TTC23L: variants seen among roughly 807,000 people sequenced by gnomAD.
TTC23L encodes tetratricopeptide repeat protein 23-like.
In TTC23L, 42 loss-of-function variants were observed where a neutral mutation model predicts 48.1. The ratio of observed to expected loss-of-function variants is 0.87; its 90% confidence interval spans 0.68 to 1.13. The LOEUF (loss-of-function observed/expected upper bound fraction) is 1.13. Among genes scored for constraint, TTC23L ranks in the 50% most tolerant of loss-of-function variants. The pLI is 0.00. For synonymous variants in TTC23L, 159 were observed against 157.2 expected (o/e 1.01, Z -0.09); for missense variants, 391 against 421.0 (o/e 0.93, Z 0.62).
chr5:34,911,466 TAATA>T, the TTC23L span: 1 of 1,465,902 alleles, frequency 6.8e-7, no homozygotes, highest in Non-Finnish European at 9.2e-7. Context: ...AAAATGTGGA[TAATA>T]AAAATTTTGC....
At chr5:34,914,695 C>T in the TTC23L span, 3 of 1,614,172 alleles carry the variant, frequency 1.9e-6, no homozygotes, top group Non-Finnish European at 2.5e-6. Flanking sequence ...ACTTCCATAC[C>T]TGAATAAAAG....
chr5:34,846,948 CAA>C (rs936023948), intron 3 of TTC23L, among the ~76,000 whole-genome samples: 2 of 151,926 alleles, frequency 1.3e-5, no homozygotes, highest in Admixed American at 6.6e-5. Flanking sequence ...AGACTTGAGT[CAA>C]AGATCTCAGA....
chr5:34,843,953 G>GAAACAACAATAAAAAAATC, intron 2 of TTC23L, among the ~76,000 whole-genome samples: 1 of 151,982 alleles, frequency 6.6e-6, no homozygotes, highest in African/African-American at 2.4e-5. Flanking sequence ...ACAAACCAAA[G>GAAACAACAATAAAAAAATC]AAACAACAAT....
intron 8 of TTC23L, among the ~76,000 whole-genome samples, chr5:34,877,575 C>T (rs1036479580): frequency 6.6e-6 from 1 of 152,094 alleles, no homozygotes; most frequent in African/African-American, 2.4e-5. Context: ...AGGCACCTGC[C>T]ACCATGCCTG....
intron 9 of TTC23L, among the ~76,000 whole-genome samples, chr5:34,892,407 T>C (rs1762928314): frequency 6.6e-6 from 1 of 152,186 alleles, no homozygotes; most frequent in Non-Finnish European, 1.5e-5. Context: ...CATACAAAAA[T>C]CTCAGATTTA....
intron 6 of TTC23L, among the ~76,000 whole-genome samples, chr5:34,866,443 A>G (rs1219885045): frequency 1.3e-5 from 2 of 152,186 alleles, no homozygotes; most frequent in African/African-American, 4.8e-5. Flanking sequence ...TCTTGGGGGA[A>G]TATTTACATT....
At chr5:34,890,252 C>T (rs1762782912) in intron 9 of TTC23L, among the ~76,000 whole-genome samples, 2 of 151,442 alleles carry the variant, frequency 1.3e-5, no homozygotes, top group South Asian at 2.1e-4. Context: ...CAAGACCAGC[C>T]TGGGCAACAT....
At chr5:34,864,387 G>C (rs1344231715) in intron 5 of TTC23L, 50 bp from the exon 6 acceptor site, 1 of 1,605,630 alleles carries the variant, frequency 6.2e-7, no homozygotes, top group South Asian at 1.1e-5. Context: ...TGCTGTCCCT[G>C]TGCAGTGGAT....
chr5:34,911,032 C>T, the TTC23L span, among the ~76,000 whole-genome samples: 1 of 152,182 alleles, frequency 6.6e-6, no homozygotes, highest in Non-Finnish European at 1.5e-5. Context: ...TATCTTGGTA[C>T]TTAATGGTTT....
chr5:34,884,986 A>G (rs1196937346), intron 9 of TTC23L, among the ~76,000 whole-genome samples: 1 of 152,238 alleles, frequency 6.6e-6, no homozygotes, highest in Non-Finnish European at 1.5e-5. Context: ...TAATTCAGGC[A>G]GTGAGTGGGT....
At chr5:34,840,606 A>T (rs1345249587) in intron 1 of TTC23L, 59 bp from the exon 2 acceptor site, 1 of 1,454,936 alleles carries the variant, frequency 6.9e-7, no homozygotes, top group Non-Finnish European at 9.7e-7. Context: ...CCAGAGGGGG[A>T]AAATAGAACA....
chr5:34,850,858 CAAGTGAAAGTTCCTTGAGAGTAGA>C (rs1396532901), intron 4 of TTC23L, among the ~76,000 whole-genome samples: 1 of 152,128 alleles, frequency 6.6e-6, no homozygotes, highest in Non-Finnish European at 1.5e-5. Flanking sequence ...AAACTGAACC[CAAGTGAAAGTTCCTTGAGAGTAGA>C]AAGTTTGTAG....
chr5:34,859,884 T>C (rs1173107278), intron 4 of TTC23L, among the ~76,000 whole-genome samples: 2 of 139,234 alleles, frequency 1.4e-5, no homozygotes, highest in African/African-American at 2.6e-5. Flanking sequence ...CACTCTGTTG[T>C]CCAGGCTGGA....
chr5:34,903,074 AC>A (rs1316471372), downstream of TTC23L, among the ~76,000 whole-genome samples: 1 of 152,014 alleles, frequency 6.6e-6, no homozygotes, highest in African/African-American at 2.4e-5. Flanking sequence ...AAACTGACAA[AC>A]CTATATCAAT....
intron 3 of TTC23L, 26 bp from the exon 4 acceptor site, chr5:34,850,159 A>C: frequency 6.2e-7 from 1 of 1,612,634 alleles, no homozygotes; most frequent in South Asian, 1.1e-5. Context: ...CTTTCCAAAA[A>C]GTATAATCAC....
chr5:34,849,458 A>G (rs1386068244), intron 3 of TTC23L, among the ~76,000 whole-genome samples: 20 of 152,362 alleles, frequency 1.3e-4, no homozygotes, highest in Admixed American at 9.8e-4. Flanking sequence ...GAAATACTAG[A>G]CCAAATGACT....
intron 8 of TTC23L, among the ~76,000 whole-genome samples, chr5:34,876,210 G>A (rs929105786): frequency 6.6e-6 from 1 of 151,988 alleles, no homozygotes; most frequent in East Asian, 1.9e-4. Context: ...ATCTTAGGAA[G>A]CTAGAAAAAG....
chr5:34,898,001 G>A (rs560754354), intron 10 of TTC23L, among the ~76,000 whole-genome samples: 1 of 152,246 alleles, frequency 6.6e-6, no homozygotes, highest in South Asian at 2.1e-4. Flanking sequence ...TCAAACCCCA[G>A]GACTACCACT....
At chr5:34,845,496 A>G (rs1452362011) in exon 3 of TTC23L, 1 of 1,613,112 alleles carries the variant, frequency 6.2e-7, no homozygotes, top group South Asian at 1.1e-5. Context: ...GGTCACAGCA[A>G]ACCGAGATCC....
Sources: allele counts gnomAD v4.1 joint callset (sites outside exome capture counted in the v4.1 genomes callset), GRCh38; gene constraint gnomAD v4.1.1; transcripts MANE v1.5; gene names NCBI Gene and HGNC (gene_info 2026-07-23, HGNC 2026-07-21).